The following LPP variants were observed in gnomAD, a reference collection of about 807,000 sequenced individuals.
LPP encodes the protein LIM domain containing preferred translocation partner in lipoma, also known as lipoma-preferred partner.
Under a neutral mutation model 60.4 loss-of-function variants are expected in LPP, and 38 were observed. That is an observed-to-expected ratio of 0.63 (90% confidence interval 0.49 to 0.83). The LOEUF (loss-of-function observed/expected upper bound fraction) is 0.83, where lower values mean the gene tolerates loss of function less well. Among genes scored for constraint, LPP ranks in the 40% least tolerant of loss-of-function variants. The probability of loss-of-function intolerance (pLI) is 0.00; values close to 1 mark genes in which losing one functional copy is unlikely to be tolerated. For missense variants in LPP, 902 were observed against 783.6 expected (o/e 1.15, Z -1.80); for synonymous variants, 328 against 290.8 (o/e 1.13, Z -1.30).
At chr3:188,563,458 A>ATGTGTGGGTGTG (rs966931196) in intron 6 of LPP, among the ~76,000 whole-genome samples, 1 of 76,034 alleles carries the variant, frequency 1.3e-5, no homozygotes, top group African/African-American at 5.1e-5. Flanking sequence ...ATTTACATAT[A>ATGTGTGGGTGTG]TATGTGTGTG....
intron 8 of LPP, chr3:188,712,595 A>G (rs1035788095): frequency 6.6e-6 from 1 of 152,216 alleles, no homozygotes; most frequent in Non-Finnish European, 1.5e-5. Flanking sequence ...CTGGACTGCA[A>G]ATAGCATTGC....
At chr3:188,813,901 C>A (rs1024468371) in intron 9 of LPP, among the ~76,000 whole-genome samples, 1 of 152,100 alleles carries the variant, frequency 6.6e-6, no homozygotes, top group Non-Finnish European at 1.5e-5. Flanking sequence ...GAAACCCTGT[C>A]TCTACTAAAA....
rs1463318065 is a variant in LPP at position 188,825,269 on chromosome 3, C to CTCTCTGTGTGTGTGTG, written c.1411-40930_1411-40929insCTCTGTGTGTGTGTGT. ...TCTTTCTCTCTCTCTCTCTCTCTCT[C>CTCTCTGTGTGTGTGTG]TGTGTGTGTGTGTGTGTGTGTGTGT... On this transcript the variant is annotated intron_variant, in intron 9 of 11. Coordinates refer to ENST00000617246, the MANE Select transcript of LPP (RefSeq NM_001375462.1). Among the ~76,000 whole-genome samples the CTCTCTGTGTGTGTGTG allele has an allele frequency of 1.5e-4, 15 of 101,758 alleles. No individual in the cohort carries two copies. In the East Asian group the frequency reaches 2.0e-3, roughly 14 times the overall value. 66.8% of individuals were successfully genotyped at this position (101,758 alleles called of 152,430 possible).
chr3:188,368,696 A>T (rs1050894424), intron 3 of LPP, among the ~76,000 whole-genome samples: 1 of 117,412 alleles, frequency 8.5e-6, no homozygotes, highest in Admixed American at 1.1e-4. Context: ...ACACACACAC[A>T]CACACACACA....
chr3:188,165,405 G>C (rs183221736), intron 1 of LPP, among the ~76,000 whole-genome samples: 1 of 152,312 alleles, frequency 6.6e-6, no homozygotes, highest in East Asian at 1.9e-4. Flanking sequence ...TGGTGGGATA[G>C]AGGATATTTA....
intron 2 of LPP, among the ~76,000 whole-genome samples, chr3:188,310,764 G>A (rs554955428): frequency 6.6e-6 from 1 of 152,258 alleles, no homozygotes; most frequent in African/African-American, 2.4e-5. Context: ...GGGTAGCTGA[G>A]GCCAGAGTGG....
chr3:188,321,109 T>G (rs1756825785), intron 2 of LPP, among the ~76,000 whole-genome samples: 1 of 152,222 alleles, frequency 6.6e-6, no homozygotes, highest in Non-Finnish European at 1.5e-5. Context: ...CTTTGCAGTA[T>G]TGGGAGAACT....
chr3:188,840,502 C>CTTTA (rs1179258115), intron 9 of LPP, among the ~76,000 whole-genome samples: 2 of 152,036 alleles, frequency 1.3e-5, no homozygotes, highest in African/African-American at 2.4e-5. Flanking sequence ...CACACAAGGA[C>CTTTA]TTTATTTATT....
intron 8 of LPP, among the ~76,000 whole-genome samples, chr3:188,739,719 T>G (rs1723754805): frequency 6.6e-6 from 1 of 152,020 alleles, no homozygotes; most frequent in Non-Finnish European, 1.5e-5. Flanking sequence ...GATATAACTG[T>G]GTTATCTGTG....
intron 3 of LPP, among the ~76,000 whole-genome samples, chr3:188,386,470 G>C (rs1778336141): frequency 1.3e-5 from 2 of 152,030 alleles, no homozygotes; most frequent in South Asian, 4.2e-4. Context: ...GTTATCTTTA[G>C]GCATTACAGA....
intron 1 of LPP, among the ~76,000 whole-genome samples, chr3:188,166,152 C>T (rs1719878470): frequency 1.3e-5 from 2 of 151,972 alleles, no homozygotes; most frequent in South Asian, 2.1e-4. Context: ...GACCTATCAA[C>T]CCTGATTTTT....
At position 188,882,149 on chromosome 3, in the gene LPP, T is replaced by C. The variant is rs1005321221; in HGVS notation, c.*7670T>C. The stretch of plus-strand genomic sequence containing the variant: ...TCTGTACTTACTCAATAGGAAGGAA[T>C]GTGACATCAGGAAGAGTCATTCCAG... On this transcript the variant is annotated 3_prime_UTR_variant, in exon 12 of 12. Coordinates refer to ENST00000617246, the MANE Select transcript of LPP (RefSeq NM_001375462.1). 2 of 212,276 alleles carry C rather than the reference T, an allele frequency of 9.4e-6. No homozygotes were observed. Among genetic ancestry groups the C allele is most frequent in the African/African-American group, 4.5e-5 (2 of 44,220 alleles). 13.1% of individuals were successfully genotyped at this position (212,276 alleles called of 1,614,324 possible). A position where few individuals can be genotyped will look rare whatever the true frequency, so the allele number is the denominator to read the frequency against.
At chr3:188,174,259 A>G (rs1416302213) in intron 1 of LPP, among the ~76,000 whole-genome samples, 1 of 152,224 alleles carries the variant, frequency 6.6e-6, no homozygotes, top group East Asian at 1.9e-4. Context: ...GTCTGTTTTT[A>G]TTCTTGGAGG....
At chr3:188,509,858 AATTTTTTTTTT>A (rs1298617234) in intron 5 of LPP, among the ~76,000 whole-genome samples, 1 of 128,262 alleles carries the variant, frequency 7.8e-6, no homozygotes, top group Non-Finnish European at 1.6e-5. Flanking sequence ...ATGCCTGGCT[AATTTTTTTTTT>A]GTTGTTTTTT....
At chr3:188,613,314 A>ACCTATATCTATATC (rs1553944283) in intron 7 of LPP, among the ~76,000 whole-genome samples, 6 of 144,492 alleles carry the variant, frequency 4.2e-5, no homozygotes, top group South Asian at 2.2e-4. Flanking sequence ...CTATATCTAT[A>ACCTATATCTATATC]TATATCGCTG....
At chr3:188,481,737 G>A (rs13060976) in intron 4 of LPP, among the ~76,000 whole-genome samples, 1 of 152,018 alleles carries the variant, frequency 6.6e-6, no homozygotes, top group Non-Finnish European at 1.5e-5. Flanking sequence ...CTCAAAGTGC[G>A]ATCTCAGACC....
At chr3:188,681,479 GA>G (rs1859505854) in intron 7 of LPP, among the ~76,000 whole-genome samples, 1 of 152,152 alleles carries the variant, frequency 6.6e-6, no homozygotes, top group East Asian at 1.9e-4. Context: ...CCTTCTCTAA[GA>G]TAAGCAGCTT....
intron 7 of LPP, among the ~76,000 whole-genome samples, chr3:188,636,844 G>T (rs1290926132): frequency 6.6e-6 from 1 of 150,544 alleles, no homozygotes; most frequent in East Asian, 1.9e-4. Flanking sequence ...TGCAGCTGAG[G>T]GTCCTGTCTG....
At chr3:188,251,166 A>G (rs1729504640) in intron 2 of LPP, among the ~76,000 whole-genome samples, 1 of 139,108 alleles carries the variant, frequency 7.2e-6, no homozygotes, top group African/African-American at 2.7e-5. Flanking sequence ...TTCTGTTTCA[A>G]TCTTTCATAA....
Sources: gnomAD v4.1 joint callset for allele counts (sites outside exome capture counted in the v4.1 genomes callset) on GRCh38, gnomAD v4.1.1 for gene constraint, MANE v1.5 for transcripts, NCBI Gene and HGNC (gene_info 2026-07-23, HGNC 2026-07-21) for gene names.